CHST11: variants seen among roughly 807,000 people sequenced by gnomAD.
CHST11 encodes the protein carbohydrate sulfotransferase 11, also known as C4S-1.
CHST11 carries 9 observed loss-of-function variants against 30.4 expected under a neutral mutation model. The ratio of observed to expected loss-of-function variants is 0.30; its 90% CI spans 0.18 to 0.52. The LOEUF is 0.52. Ranked by LOEUF, CHST11 falls within the 20% of genes least tolerant of loss-of-function variation. The probability of loss-of-function intolerance (pLI) is 0.97; values close to 1 mark genes in which losing one functional copy is unlikely to be tolerated. For missense variants in CHST11, 348 were observed against 460.6 expected, an observed-to-expected ratio of 0.76 and a Z score of 2.24; for synonymous variants, 152 against 187.8, an observed-to-expected ratio of 0.81 and a Z score of 1.56.
intron 2 of CHST11, among the ~76,000 whole-genome samples, chr12:104,620,771 TC>T (rs1390337115): frequency 6.6e-6 from 1 of 152,236 alleles, no homozygotes; most frequent in Non-Finnish European, 1.5e-5. Flanking sequence ...ATTGTGACTT[TC>T]TTTTCACTAA....
intron 2 of CHST11, among the ~76,000 whole-genome samples, chr12:104,687,718 T>G (rs1204430829): frequency 1.3e-5 from 2 of 152,210 alleles, no homozygotes; most frequent in Non-Finnish European, 2.9e-5. Flanking sequence ...CTCAAGATTC[T>G]TTTTTAAAGA....
Position 104,637,599 on chromosome 12 carries a change from A to G in CHST11, c.204+35608A>G, listed in dbSNP as rs192346227. On this transcript the variant is annotated intron_variant, in intron 2 of 2. Coordinates refer to ENST00000303694, the MANE Select transcript of CHST11 (RefSeq NM_018413.6). ...GCTTCCTTCCTGTTGCACTTAGAAT[A>G]AAATGCAAAGTCTCTAACAACGTCC... 3.9e-3 allele frequency among the ~76,000 whole-genome samples: 589 copies of G among 152,310 alleles called. 6 individuals are homozygous for G. The highest frequency in any genetic ancestry group is 0.014 in the African/African-American group (565 of 41,566).
intron 2 of CHST11, among the ~76,000 whole-genome samples, chr12:104,639,361 T>C (rs191725883): frequency 6.6e-6 from 1 of 152,266 alleles, no homozygotes; most frequent in Admixed American, 6.5e-5. Flanking sequence ...TGGAAACAAA[T>C]GTCCATAAGC....
intron 1 of CHST11, among the ~76,000 whole-genome samples, chr12:104,510,160 T>A (rs1023070155): frequency 2.0e-5 from 3 of 152,374 alleles, no homozygotes; most frequent in East Asian, 3.9e-4. Context: ...TAGTCAGCCA[T>A]GTGTTCATTT....
intron 1 of CHST11, among the ~76,000 whole-genome samples, chr12:104,585,231 C>T (rs948233742): frequency 5.9e-5 from 9 of 152,196 alleles, no homozygotes; most frequent in Non-Finnish European, 8.8e-5. Context: ...ACTTCAGCCT[C>T]CTGCACTTGC....
intron 1 of CHST11, among the ~76,000 whole-genome samples, chr12:104,480,730 A>T (rs530155720): frequency 6.6e-6 from 1 of 152,328 alleles, no homozygotes; most frequent in South Asian, 2.1e-4. Context: ...TGATGCTGCC[A>T]TGAGCCAAGG....
chr12:104,727,303 C>T (rs1308969198), intron 2 of CHST11, among the ~76,000 whole-genome samples: 1 of 152,242 alleles, frequency 6.6e-6, no homozygotes, highest in African/African-American at 2.4e-5. Flanking sequence ...TCATCCTATT[C>T]AGCCCTTGGA....
intron 1 of CHST11, among the ~76,000 whole-genome samples, chr12:104,584,873 G>A (rs778668090): frequency 2.0e-5 from 3 of 152,092 alleles, no homozygotes; most frequent in Non-Finnish European, 4.4e-5. Context: ...TTAATCCCTC[G>A]GTGTAATTTC....
chr12:104,536,341 GC>G lies in CHST11; in HGVS notation c.119-65562del, dbSNP rs372819025. On this transcript the variant is annotated intron_variant, in intron 1 of 2. Coordinates refer to ENST00000303694, the MANE Select transcript of CHST11 (RefSeq NM_018413.6). ...GCCAACCTCTTCTTCATATAGAACT[GC>G]CCATGAGTCGATGCCCATCATTGCT... Among the ~76,000 whole-genome samples, 643 of 152,270 alleles carry G rather than the reference GC, an allele frequency of 4.2e-3. 6 individuals carry two copies. The highest frequency in any genetic ancestry group is 0.015 in the African/African-American group (604 of 41,558).
At chr12:104,621,062 T>C (rs2039154331) in intron 2 of CHST11, among the ~76,000 whole-genome samples, 1 of 152,220 alleles carries the variant, frequency 6.6e-6, no homozygotes, top group Non-Finnish European at 1.5e-5. Flanking sequence ...TCTCTATCAG[T>C]TCATTTCAAA....
chr12:104,747,573 C>T (rs959967533), intron 2 of CHST11, among the ~76,000 whole-genome samples: 2 of 152,012 alleles, frequency 1.3e-5, no homozygotes, highest in Non-Finnish European at 2.9e-5. Context: ...ATAATCAGAG[C>T]AAATCAGCTC....
chr12:104,623,306 G>A (rs1244828412), intron 2 of CHST11, among the ~76,000 whole-genome samples: 1 of 152,234 alleles, frequency 6.6e-6, no homozygotes, highest in Non-Finnish European at 1.5e-5. Context: ...TCCCTCAAGA[G>A]CTGGTGAGAC....
intron 2 of CHST11, among the ~76,000 whole-genome samples, chr12:104,700,633 G>A (rs145365870): frequency 2.5e-3 from 380 of 152,270 alleles, no homozygotes; most frequent in Non-Finnish European, 4.4e-3. Context: ...AGCAATTAGC[G>A]TGGTACCTGG....
At chr12:104,474,561 G>C (rs1465748277) in intron 1 of CHST11, among the ~76,000 whole-genome samples, 2 of 152,248 alleles carry the variant, frequency 1.3e-5, no homozygotes, top group African/African-American at 2.4e-5. Flanking sequence ...ATCCAGGGCT[G>C]ATAGTAAGTG....
At chr12:104,517,108 A>T (rs2038031769) in intron 1 of CHST11, among the ~76,000 whole-genome samples, 1 of 152,168 alleles carries the variant, frequency 6.6e-6, no homozygotes, top group African/African-American at 2.4e-5. Context: ...AGGTTTAGTA[A>T]CATTCCCAGG....
intron 2 of CHST11, among the ~76,000 whole-genome samples, chr12:104,643,060 A>G (rs1425512854): frequency 1.3e-5 from 2 of 152,208 alleles, no homozygotes; most frequent in Non-Finnish European, 2.9e-5. Flanking sequence ...ATGGTGGTGC[A>G]CACCTGTAAT....
At chr12:104,509,334 T>G (rs1232181387) in intron 1 of CHST11, among the ~76,000 whole-genome samples, 1 of 152,250 alleles carries the variant, frequency 6.6e-6, no homozygotes, top group South Asian at 2.1e-4. Context: ...TCATGAAATC[T>G]CTTTCTTTTG....
intron 2 of CHST11, among the ~76,000 whole-genome samples, chr12:104,755,766 A>G (rs2040469851): frequency 6.6e-6 from 1 of 152,146 alleles, no homozygotes; most frequent in Admixed American, 6.5e-5. Context: ...AGCCTGGGCA[A>G]CAGAGTAAGA....
At chr12:104,607,306 G>A (rs2039015007) in intron 2 of CHST11, among the ~76,000 whole-genome samples, 1 of 152,106 alleles carries the variant, frequency 6.6e-6, no homozygotes, top group Admixed American at 6.5e-5. Context: ...ATAGTCCAAA[G>A]GTTGTTGGGG....
Sources: gnomAD v4.1 joint callset for allele counts (sites outside exome capture counted in the v4.1 genomes callset) on GRCh38, gnomAD v4.1.1 for gene constraint, MANE v1.5 for transcripts, NCBI Gene and HGNC (gene_info 2026-07-23, HGNC 2026-07-21) for gene names.